Variants in NCOR1 observed in about 807,000 individuals in gnomAD.
NCOR1 encodes the protein protein phosphatase 1, regulatory subunit 109.
Under a neutral mutation model 288.1 loss-of-function variants are expected in NCOR1, and 63 were observed. The ratio of observed to expected loss-of-function variants is 0.22; its 90% CI spans 0.18 to 0.27. The LOEUF is 0.27. NCOR1 is among the 10% of genes least tolerant of loss of function. NCOR1 has a pLI of 1.00. For synonymous variants in NCOR1, 1,007 were observed against 1,065.9 expected (o/e 0.94, Z 1.08); for missense variants, 2,397 against 3,019.2 (o/e 0.79, Z 4.83).
chr17:16,039,065 G>A (rs1489310110), intron 44 of NCOR1, among the ~76,000 whole-genome samples: 7 of 152,040 alleles, frequency 4.6e-5, no homozygotes, highest in Non-Finnish European at 7.4e-5. Flanking sequence ...CACCGCACCC[G>A]GCTGGCTTAT....
At chr17:16,153,085 C>T (rs1000387566) in intron 7 of NCOR1, among the ~76,000 whole-genome samples, 2 of 152,058 alleles carry the variant, frequency 1.3e-5, no homozygotes, top group Non-Finnish European at 2.9e-5. Context: ...TAATTCTGTT[C>T]TTAATTCTCA....
intron 5 of NCOR1, among the ~76,000 whole-genome samples, chr17:16,161,232 C>CAA (rs2080793168): frequency 4.3e-5 from 1 of 23,312 alleles, no homozygotes; most frequent in Non-Finnish European, 9.5e-5. Context: ...CACACACAGA[C>CAA]ACACACACAC....
At chr17:16,131,508 G>A (rs1046862973) in intron 14 of NCOR1, among the ~76,000 whole-genome samples, 5 of 152,030 alleles carry the variant, frequency 3.3e-5, no homozygotes, top group African/African-American at 1.2e-4. Flanking sequence ...AAGAGAAACA[G>A]ACAAGTTCCC....
intron 21 of NCOR1, among the ~76,000 whole-genome samples, chr17:16,092,747 G>A (rs1348595700): frequency 1.5e-5 from 2 of 129,358 alleles, no homozygotes; most frequent in Admixed American, 1.7e-4. Flanking sequence ...TGCCCAGGCT[G>A]CAGTGCAATG....
At chr17:16,150,093 C>G (rs1322311963) in intron 8 of NCOR1, among the ~76,000 whole-genome samples, 1 of 152,062 alleles carries the variant, frequency 6.6e-6, no homozygotes, top group Non-Finnish European at 1.5e-5. Flanking sequence ...AAATTGGAAG[C>G]ATTGTGACCT....
At chr17:16,206,448 T>C (rs1349933178) in intron 1 of NCOR1, among the ~76,000 whole-genome samples, 1 of 152,134 alleles carries the variant, frequency 6.6e-6, no homozygotes, top group Non-Finnish European at 1.5e-5. Context: ...TCCAGTGGCA[T>C]GATCTCAGCT....
chr17:16,128,894 T>A (rs960108231), intron 14 of NCOR1, among the ~76,000 whole-genome samples: 6 of 152,168 alleles, frequency 3.9e-5, no homozygotes, highest in African/African-American at 1.2e-4. Flanking sequence ...AGAAAATGAA[T>A]CCTTCTTGGT....
chr17:16,128,417 G>T (rs867990890), intron 14 of NCOR1, among the ~76,000 whole-genome samples: 2 of 152,118 alleles, frequency 1.3e-5, no homozygotes, highest in African/African-American at 2.4e-5. Context: ...TCACTAGGTG[G>T]CTTAGTGCCT....
At chr17:16,212,103 A>G (rs1013979640) in intron 1 of NCOR1, among the ~76,000 whole-genome samples, 2 of 151,926 alleles carry the variant, frequency 1.3e-5, no homozygotes, top group African/African-American at 4.8e-5. Flanking sequence ...CGTCTCTACT[A>G]AAAATACAAA....
intron 3 of NCOR1, among the ~76,000 whole-genome samples, chr17:16,186,215 G>T (rs982362919): frequency 3.5e-4 from 54 of 152,130 alleles, no homozygotes; most frequent in African/African-American, 1.2e-3. Flanking sequence ...AATAAAGCCT[G>T]GGCCCAACTC....
intron 14 of NCOR1, among the ~76,000 whole-genome samples, chr17:16,133,509 T>C (rs1193033172): frequency 6.6e-6 from 1 of 152,370 alleles, no homozygotes; most frequent in East Asian, 1.9e-4. Flanking sequence ...TAGTTGGATC[T>C]CTGTATCCAC....
At chr17:16,128,612 C>T (rs1327956128) in intron 14 of NCOR1, among the ~76,000 whole-genome samples, 1 of 152,226 alleles carries the variant, frequency 6.6e-6, no homozygotes, top group Non-Finnish European at 1.5e-5. Context: ...TTTTTACCCT[C>T]CAATCTCGAC....
chr17:16,067,177 A>G (rs962526048), intron 32 of NCOR1, among the ~76,000 whole-genome samples: 2 of 152,246 alleles, frequency 1.3e-5, no homozygotes, highest in African/African-American at 4.8e-5. Context: ...TGCTCTCTAG[A>G]AACCTGCACA....
At chr17:16,038,875 A>G (rs1394448125) in intron 44 of NCOR1, among the ~76,000 whole-genome samples, 1 of 152,136 alleles carries the variant, frequency 6.6e-6, no homozygotes, top group Non-Finnish European at 1.5e-5. Flanking sequence ...GGTTCAAGCA[A>G]TTCTCCTGCC....
At chr17:16,164,914 T>G in intron 5 of NCOR1, 65 bp downstream of exon 5, 1 of 1,199,008 alleles carries the variant, frequency 8.3e-7, no homozygotes. Context: ...TATGGAAAAC[T>G]CAAAAATATC....
chr17:16,050,505 G>A (rs1000355876), intron 40 of NCOR1, among the ~76,000 whole-genome samples: 1 of 152,132 alleles, frequency 6.6e-6, no homozygotes, highest in Non-Finnish European at 1.5e-5. Flanking sequence ...TTACAGGCGT[G>A]AGCCACCACA....
intron 45 of NCOR1, among the ~76,000 whole-genome samples, chr17:16,034,097 TC>T (rs1567613785): frequency 1.3e-5 from 2 of 152,222 alleles, no homozygotes; most frequent in African/African-American, 4.8e-5. Context: ...GGTGAAGTAC[TC>T]TTAGAAGTGG....
chr17:16,210,045 TGA>T (rs2091969920), intron 1 of NCOR1, among the ~76,000 whole-genome samples: 1 of 151,852 alleles, frequency 6.6e-6, no homozygotes, highest in African/African-American at 2.4e-5. Context: ...TCCAGAAGTC[TGA>T]GAGTAGGCAA....
intron 14 of NCOR1, among the ~76,000 whole-genome samples, chr17:16,134,874 C>G (rs2076156519): frequency 6.6e-6 from 1 of 152,208 alleles, no homozygotes; most frequent in African/African-American, 2.4e-5. Context: ...AAATTTGCAG[C>G]TGAGGCCGGG....
Sources: gnomAD v4.1 joint callset for allele counts (sites outside exome capture counted in the v4.1 genomes callset) on GRCh38, gnomAD v4.1.1 for gene constraint, MANE v1.5 for transcripts, NCBI Gene and HGNC (gene_info 2026-07-23, HGNC 2026-07-21) for gene names.